Variants in MIOS observed in about 807,000 individuals in gnomAD.
The protein encoded by MIOS is GATOR2 complex protein MIOS.
In MIOS, 52 loss-of-function variants were observed where a neutral mutation model predicts 96.9. The ratio of observed to expected loss-of-function variants is 0.54; its 90% confidence interval spans 0.43 to 0.68. The LOEUF is 0.68. Among genes scored for constraint, MIOS ranks in the 30% least tolerant of loss-of-function variants. The pLI is 0.00. For synonymous variants in MIOS, 397 were observed against 359.5 expected (o/e 1.10, Z -1.18); for missense variants, 1,005 against 1,052.8 (o/e 0.95, Z 0.63).
chr7:7,572,991 A>G lies in MIOS; in HGVS notation c.516A>G (p.Leu172=), dbSNP rs1783405033. Residue 172 remains leucine, a synonymous_variant, in exon 4 of 13, where the codon TTA becomes TTG. Transcript: ENST00000340080. This position sits in a 1 kb window ranked among gnomAD's most constrained non-coding sequence, Gnocchi z 4.8. ...CAGCAGGTGAAACTGAAACAACATT[A>G]TTAGTAACAAAACCACTTTATGAGT... ...KLSAGETETT[L]LVTKPLYELG... is the part of the protein sequence containing the mutation. 2 of 1,614,006 alleles carry G rather than the reference A, an allele frequency of 1.2e-6. No individual in the cohort carries two copies. The highest frequency in any genetic ancestry group is 1.3e-5 in the African/African-American group (1 of 74,932).
In MIOS at chr7:7,594,981, G is replaced by A. The variant is rs764743545; in HGVS notation, c.2045G>A (p.Gly682Asp). ...AAATAATTCATGTTTTCGTTTTAGG[G>A]TTCACCTTTAGATGTTCTTAAAGAT... is the stretch of plus-strand genomic sequence containing the variant. ...VQTASYCMLQGSPLDVLKDER... is the reference protein window; with the variant it reads ...VQTASYCMLQDSPLDVLKDER... Residue 682 changes from glycine to aspartate, a missense_variant and splice_region_variant, in exon 10 of 13, where the codon GGT (glycine) becomes GAT (aspartate). Transcript: ENST00000340080. 5 of 1,593,462 alleles carry A rather than the reference G, an allele frequency of 3.1e-6. No individual in the cohort carries two copies. Among genetic ancestry groups the A allele is most frequent in the Admixed American group, 1.8e-5 (1 of 55,744 alleles).
rs1480346686 is a variant in MIOS, at chr7:7,608,777, TATCTC to T, written c.*1687_*1691del. 1.3e-5 allele frequency: 2 copies of T among 152,078 alleles called. No individual in the cohort carries two copies. Among genetic ancestry groups the T allele is most frequent in the African/African-American group, 2.4e-5 (1 of 41,458 alleles). The allele number at this position is 152,078 out of a possible 1,614,324, so 9.4% of individuals were successfully genotyped here. ...CATTAGCTAAAGTAAAATGTAAAAT[TATCTC>T]AAATAGTTACAAGTTTTGGAAATAC... On this transcript the variant is annotated 3_prime_UTR_variant, in exon 13 of 13. Coordinates refer to ENST00000340080, the MANE Select transcript of MIOS (RefSeq NM_019005.4).
intron 11 of MIOS, among the ~76,000 whole-genome samples, chr7:7,602,770 C>T (rs1159334579): frequency 1.3e-5 from 2 of 151,974 alleles, no homozygotes; most frequent in African/African-American, 4.8e-5. Context: ...AAGTCAATCC[C>T]AAGCCAAAAG....
intron 5 of MIOS, among the ~76,000 whole-genome samples, chr7:7,579,177 T>G (rs905546873): frequency 1.3e-5 from 2 of 152,218 alleles, no homozygotes; most frequent in African/African-American, 2.4e-5. Context: ...TTCAGAGATA[T>G]ATTAAAAATT....
Position 7,572,373 on chromosome 7 carries a change from T to G in MIOS, c.-40-63T>G, listed in dbSNP as rs554991114. 20 of 810,244 alleles carry G rather than the reference T, an allele frequency of 2.5e-5. No homozygotes were observed. The East Asian group carries it at 5.2e-4, about 21-fold the overall frequency. The allele number at this position is 810,244 out of a possible 1,614,324, so 50.2% of individuals were successfully genotyped here. On this transcript the variant is annotated intron_variant, in intron 3 of 12. Transcript: ENST00000340080. This position sits in a 1 kb window ranked among gnomAD's most constrained non-coding sequence, Gnocchi z 4.8. ...GAATTTTCTGACTTTCTGAATAGTT[T>G]ATTCAACGTAAGAATTATATTTTGC... is the stretch of plus-strand genomic sequence containing the variant.
chr7:7,596,197 T>C, intron 10 of MIOS, 60 bp from the exon 11 acceptor site: 1 of 1,431,426 alleles, frequency 7.0e-7, no homozygotes, highest in South Asian at 1.2e-5. Flanking sequence ...GCACACTAAG[T>C]TATTTAGCAT....
At chr7:7,591,527 G>T (rs182900641) in intron 9 of MIOS, among the ~76,000 whole-genome samples, 2 of 151,898 alleles carry the variant, frequency 1.3e-5, no homozygotes, top group Non-Finnish European at 2.9e-5. Context: ...TGATCTGCCC[G>T]CCCCGGCCTC....
In MIOS at chr7:7,595,129, A is replaced by G. The variant is rs758730354; in HGVS notation, c.2193A>G (p.Ala731=). Reference sequence around the variant, plus strand: ...TGGATCCCAGTTCCAAGCCTTTAGCACAAGTAAGTACATTGTTTTGGAGAA... The same window carrying G: ...TGGATCCCAGTTCCAAGCCTTTAGCGCAAGTAAGTACATTGTTTTGGAGAA... ...SKLDPSSKPL[A]QVFVSCNFCG... The change falls in exon 10 of 13, where the codon GCA becomes GCG. Residue 731 remains alanine (A), a synonymous_variant. Transcript: ENST00000340080. 2 of 1,606,192 alleles carry G rather than the reference A, an allele frequency of 1.2e-6. No homozygotes were observed. Among genetic ancestry groups the G allele is most frequent in the African/African-American group, 1.3e-5 (1 of 74,324 alleles).
rs970318174 is a variant in MIOS at position 7,583,279 on chromosome 7, G to T, written c.1555G>T (p.Gly519Trp). ...ATTTTTGAACTCCCTTGTACAAGAAGGGGAATGGGAAAGAGCTGCTGCTGT... is the reference window on the plus strand; with the variant it reads ...ATTTTTGAACTCCCTTGTACAAGAATGGGAATGGGAAAGAGCTGCTGCTGT... The part of the protein sequence containing the change: ...GPFLNSLVQE[G>W]EWERAAAVAL... The change falls in exon 6 of 13, where the codon GGG becomes TGG. Residue 519 changes from glycine (G) to tryptophan (W), a missense_variant. Gly to Trp is a radical substitution (Grantham distance 184). This residue lies in a region of MIOS where 865 missense variants were observed against 887.9 expected (regional missense o/e 0.97). Transcript: ENST00000340080. The T allele has an allele frequency of 1.2e-6, 2 of 1,614,014 alleles. No homozygotes were observed. Among genetic ancestry groups the T allele is most frequent in the African/African-American group, 2.7e-5 (2 of 74,924 alleles).
intron 9 of MIOS, among the ~76,000 whole-genome samples, chr7:7,594,598 A>G (rs1301401981): frequency 6.6e-6 from 1 of 152,186 alleles, no homozygotes; most frequent in Non-Finnish European, 1.5e-5. Flanking sequence ...CCCAGCCTGT[A>G]TTACATTTGG....
chr7:7,572,866 G>GCACAGTAA lies in MIOS; in HGVS notation c.392_393insACAGTAAC (p.Gly132GlnfsTer2). Reference sequence around the variant, plus strand: ...TCCACTGGATAGTAACTGGCTAGCTGCTGGTTTAGATAAGCACAGAGCTGA... The same window carrying GCACAGTAA: ...TCCACTGGATAGTAACTGGCTAGCTGCACAGTAACTGGTTTAGATAAGCACAGAGCTGA... On this transcript the variant is annotated stop_gained and frameshift_variant, in exon 4 of 13. Transcript: ENST00000340080. LOFTEE classifies it high-confidence loss of function. The surrounding 1 kb of genome is among the most constrained non-coding windows in gnomAD (Gnocchi z 4.8). 1 of 1,614,138 alleles carries GCACAGTAA rather than the reference G, an allele frequency of 6.2e-7. No individual in the cohort carries two copies. Among genetic ancestry groups the GCACAGTAA allele is most frequent in the Non-Finnish European group, 8.5e-7 (1 of 1,180,004 alleles).
chr7:7,600,730 A>G (rs1412862443), intron 11 of MIOS, among the ~76,000 whole-genome samples: 2 of 152,182 alleles, frequency 1.3e-5, no homozygotes, highest in Non-Finnish European at 2.9e-5. Context: ...ATAGACATCT[A>G]CAGAACTCTC....
At chr7:7,606,671 C>T (rs892800588) in intron 12 of MIOS, among the ~76,000 whole-genome samples, 21 of 152,326 alleles carry the variant, frequency 1.4e-4, no homozygotes, top group Middle Eastern at 3.4e-3. Flanking sequence ...TGTTTCTTAA[C>T]TTCTCCCTAA....
At position 7,596,338 on chromosome 7, in the gene MIOS, C is replaced by T; in HGVS notation, c.2278C>T (p.Gln760Ter). 6.2e-7 allele frequency: 1 copy of T among 1,614,068 alleles called. No homozygotes were observed. The highest frequency in any genetic ancestry group is 8.5e-7 in the Non-Finnish European group (1 of 1,180,006). Residue 760 changes from glutamine (Q) to a stop codon, truncating the protein, a stop_gained, in exon 11 of 13, where the codon CAG becomes TAG. Coordinates refer to ENST00000340080, the MANE Select transcript of MIOS (RefSeq NM_019005.4). LOFTEE classifies it high-confidence loss of function. ...GCCTCATCAGGGCAGAGGTTTTAGT[C>T]AGTATGGTGTGAGTGGCTCACCAAC... is the stretch of plus-strand genomic sequence containing the variant. Reference protein sequence around the residue: ...AVPHQGRGFSQYGVSGSPTKS... With the variant: ...AVPHQGRGFS
At chr7:7,587,730 A>G (rs1783933988) in intron 7 of MIOS, among the ~76,000 whole-genome samples, 2 of 152,180 alleles carry the variant, frequency 1.3e-5, no homozygotes, top group Non-Finnish European at 2.9e-5. Context: ...TAGAAAAAAT[A>G]TGCTAAGATA....
intron 11 of MIOS, among the ~76,000 whole-genome samples, chr7:7,603,597 C>G (rs987048588): frequency 2.6e-5 from 4 of 152,162 alleles, no homozygotes; most frequent in Non-Finnish European, 5.9e-5. Context: ...AATAGGAACA[C>G]TTTTACACTG....
intron 11 of MIOS, among the ~76,000 whole-genome samples, chr7:7,597,952 A>C (rs1387267845): frequency 6.6e-6 from 1 of 152,186 alleles, no homozygotes; most frequent in African/African-American, 2.4e-5. Context: ...GGCATGAGCC[A>C]CCATGCCCAG....
intron 6 of MIOS, among the ~76,000 whole-genome samples, chr7:7,584,342 C>A (rs1269843792): frequency 6.6e-6 from 1 of 152,044 alleles, no homozygotes; most frequent in African/African-American, 2.4e-5. Flanking sequence ...TATAATTTTG[C>A]TATAACTTGA....
At chr7:7,587,371 T>C (rs116178422) in intron 7 of MIOS, among the ~76,000 whole-genome samples, 1,627 of 152,292 alleles carry the variant, frequency 0.011, 32 homozygotes, top group African/African-American at 0.037. Context: ...ATAACAGTCA[T>C]CTTGAGTACG....
Sources: allele counts gnomAD v4.1 joint callset (sites outside exome capture counted in the v4.1 genomes callset), GRCh38; gene constraint gnomAD v4.1.1; regional missense constraint gnomAD v4.1.1; non-coding constraint Gnocchi (gnomAD v3.1); transcripts MANE v1.5; gene names NCBI Gene and HGNC (gene_info 2026-07-23, HGNC 2026-07-21).